CNTN5: variants seen among roughly 807,000 people sequenced by gnomAD.
CNTN5 encodes contactin-5.
CNTN5 carries 77 observed loss-of-function variants against 129.1 expected under a neutral mutation model. The ratio of observed to expected loss-of-function variants is 0.60; its 90% CI spans 0.50 to 0.72. The LOEUF is 0.72. CNTN5 is among the 30% of genes least tolerant of loss of function. CNTN5 has a pLI of 0.00. For synonymous variants in CNTN5, 509 were observed against 465.6 expected, an observed-to-expected ratio of 1.09 and a Z score of -1.20; for missense variants, 1,478 against 1,328.8, an observed-to-expected ratio of 1.11 and a Z score of -1.75.
At chr11:99,405,410 C>A (rs1215153978) in intron 2 of CNTN5, among the ~76,000 whole-genome samples, 1 of 151,838 alleles carries the variant, frequency 6.6e-6, no homozygotes, top group East Asian at 1.9e-4. Flanking sequence ...TTATTCTTAT[C>A]TCTCTTCTTT....
At chr11:99,969,145 A>G (rs1951180671) in intron 8 of CNTN5, among the ~76,000 whole-genome samples, 1 of 152,108 alleles carries the variant, frequency 6.6e-6, no homozygotes, top group South Asian at 2.1e-4. Context: ...ATTTTTTATC[A>G]GATAAAACAG....
chr11:99,136,476 T>C (rs1016627375), intron 1 of CNTN5, among the ~76,000 whole-genome samples: 52 of 152,180 alleles, frequency 3.4e-4, no homozygotes, highest in Non-Finnish European at 6.6e-4. Flanking sequence ...AATTCAAAAC[T>C]ACAAATTTAC....
intron 2 of CNTN5, among the ~76,000 whole-genome samples, chr11:99,511,125 A>G (rs905202668): frequency 6.6e-6 from 1 of 152,138 alleles, no homozygotes; most frequent in African/African-American, 2.4e-5. Flanking sequence ...ATAAAGAAAA[A>G]TATTTTTGTA....
At chr11:99,293,521 A>G (rs1469121436) in intron 1 of CNTN5, among the ~76,000 whole-genome samples, 1 of 152,172 alleles carries the variant, frequency 6.6e-6, no homozygotes, top group Non-Finnish European at 1.5e-5. Flanking sequence ...AATGTTTGGT[A>G]GAATTTAGCA....
intron 3 of CNTN5, among the ~76,000 whole-genome samples, chr11:99,781,107 G>A (rs1945295283): frequency 1.3e-5 from 2 of 152,006 alleles, no homozygotes; most frequent in South Asian, 2.1e-4. Flanking sequence ...CTGCTTGATA[G>A]GATATTTTAG....
chr11:99,816,289 A>C (rs1203722026), intron 3 of CNTN5, among the ~76,000 whole-genome samples: 1 of 152,034 alleles, frequency 6.6e-6, no homozygotes, highest in African/African-American at 2.4e-5. Flanking sequence ...CTTATTTCAC[A>C]TACTTCCTTG....
intron 2 of CNTN5, among the ~76,000 whole-genome samples, chr11:99,412,454 A>G (rs1486461731): frequency 6.6e-6 from 1 of 152,212 alleles, no homozygotes; most frequent in African/African-American, 2.4e-5. Context: ...CAAACAATGA[A>G]TACTATTTAT....
chr11:99,478,009 A>G (rs928734594), intron 2 of CNTN5, among the ~76,000 whole-genome samples: 3 of 152,012 alleles, frequency 2.0e-5, no homozygotes, highest in African/African-American at 7.2e-5. Flanking sequence ...TTGCCTCAAG[A>G]AAAATTGTGA....
At chr11:100,019,762 A>G (rs1289656175) in intron 9 of CNTN5, among the ~76,000 whole-genome samples, 4 of 152,096 alleles carry the variant, frequency 2.6e-5, no homozygotes, top group East Asian at 3.9e-4. Flanking sequence ...AGAAATCTTT[A>G]TAATCTTTTC....
At chr11:100,013,274 C>T (rs765647675) in intron 9 of CNTN5, among the ~76,000 whole-genome samples, 63 of 152,052 alleles carry the variant, frequency 4.1e-4, no homozygotes, top group Non-Finnish European at 6.8e-4. Flanking sequence ...ACTAAAAGCC[C>T]AGACTTCACC....
chr11:99,548,159 A>G (rs1272142007), intron 2 of CNTN5, among the ~76,000 whole-genome samples: 3 of 152,088 alleles, frequency 2.0e-5, no homozygotes, highest in Non-Finnish European at 4.4e-5. Context: ...TTTTCTCTGT[A>G]AGGATTTATT....
Position 100,207,956 on chromosome 11 carries a change from C to T in CNTN5, c.1884+14293C>T, listed in dbSNP as rs192810420. ...TGTTGCTAACTTTTTTTGGGTTTTG[C>T]CCACATTGCTGTTTCCAACCACATT... is the stretch of plus-strand genomic sequence containing the variant. On this transcript the variant is annotated intron_variant, in intron 15 of 24. Transcript: ENST00000524871. Among the ~76,000 whole-genome samples, 7 of 152,130 alleles carry T rather than the reference C, an allele frequency of 4.6e-5. No homozygotes were observed. The East Asian group carries it at 1.2e-3, about 25-fold the overall frequency.
At chr11:100,223,361 A>G (rs1233825577) in intron 15 of CNTN5, among the ~76,000 whole-genome samples, 1 of 152,184 alleles carries the variant, frequency 6.6e-6, no homozygotes, top group African/African-American at 2.4e-5. Flanking sequence ...GATCTAAAAC[A>G]TAGTATATAG....
intron 3 of CNTN5, among the ~76,000 whole-genome samples, chr11:99,726,920 G>A (rs1003669745): frequency 6.6e-6 from 1 of 151,826 alleles, no homozygotes; most frequent in East Asian, 1.9e-4. Flanking sequence ...ATTAGACACC[G>A]ACTTGAAAAA....
At chr11:99,962,848 T>A (rs1295194474) in intron 8 of CNTN5, among the ~76,000 whole-genome samples, 2 of 151,046 alleles carry the variant, frequency 1.3e-5, no homozygotes, top group African/African-American at 4.9e-5. Context: ...ATGATCGCCA[T>A]TCTAACTGGT....
chr11:99,670,593 T>C (rs965170434), intron 3 of CNTN5, among the ~76,000 whole-genome samples: 1 of 152,196 alleles, frequency 6.6e-6, no homozygotes, highest in African/African-American at 2.4e-5. Flanking sequence ...CTTCCTGATT[T>C]AGGCTTTGCC....
At chr11:99,380,542 G>T (rs780085338) in intron 2 of CNTN5, among the ~76,000 whole-genome samples, 2 of 152,094 alleles carry the variant, frequency 1.3e-5, no homozygotes, top group Non-Finnish European at 2.9e-5. Flanking sequence ...GGCTGAGGTA[G>T]GTGGATCATC....
intron 2 of CNTN5, among the ~76,000 whole-genome samples, chr11:99,527,242 T>A (rs1046274834): frequency 6.6e-6 from 1 of 152,226 alleles, no homozygotes; most frequent in Admixed American, 6.5e-5. Flanking sequence ...TTATAATCTA[T>A]CTAACATTTA....
At chr11:99,634,739 T>C (rs1356666133) in intron 3 of CNTN5, among the ~76,000 whole-genome samples, 4 of 152,116 alleles carry the variant, frequency 2.6e-5, no homozygotes, top group African/African-American at 7.2e-5. Flanking sequence ...CCCAGTCTCT[T>C]CTCTGTCACT....
Sources: gnomAD v4.1 joint callset for allele counts (sites outside exome capture counted in the v4.1 genomes callset) on GRCh38, gnomAD v4.1.1 for gene constraint, MANE v1.5 for transcripts, NCBI Gene and HGNC (gene_info 2026-07-23, HGNC 2026-07-21) for gene names.